DNMT3A: variants seen among roughly 807,000 people sequenced by gnomAD.
DNMT3A encodes DNA (cytosine-5)-methyltransferase 3A.
A neutral mutation model predicts 117.6 loss-of-function variants in DNMT3A; 267 were observed. The ratio of observed to expected loss-of-function variants is 2.27; its 90% CI spans 2.05 to 2.51. DNMT3A has a LOEUF of 2.51. Among genes scored for constraint, DNMT3A ranks in the 30% most tolerant of loss-of-function variants. The pLI is 0.00. For missense variants in DNMT3A, 1,029 were observed against 1,260.2 expected (o/e 0.82, Z 2.78); for synonymous variants, 432 against 474.8 (o/e 0.91, Z 1.17).
Position 25,237,007 on chromosome 2 carries a change from T to C in DNMT3A, c.2409-2A>G. 6 of 1,613,494 alleles carry C rather than the reference T, an allele frequency of 3.7e-6. No individual in the cohort carries two copies. The highest frequency in any genetic ancestry group is 3.4e-6 in the Non-Finnish European group (4 of 1,179,880). On this transcript the variant is annotated splice_acceptor_variant, in intron 20 of 22. Transcript: ENST00000321117. LOFTEE classifies it high-confidence loss of function. The surrounding 1 kb of genome is among the most constrained non-coding windows in gnomAD (Gnocchi z 5.4). ...TCATTCACAGTGGATGCCAACGGCCTAGGAGGCAGAAGAGAGACTGTAACA... is the reference window on the plus strand; with the variant it reads ...TCATTCACAGTGGATGCCAACGGCCCAGGAGGCAGAAGAGAGACTGTAACA...
Position 25,240,429 on chromosome 2 carries a change from AAGAAGAGCCGGCCAG to A in DNMT3A, c.2180_2194del (p.Thr727_Phe732delinsIle), listed in dbSNP as rs1558659411. 6.2e-7 allele frequency: 1 copy of A among 1,611,180 alleles called. No individual in the cohort carries two copies. Among genetic ancestry groups the A allele is most frequent in the Non-Finnish European group, 8.5e-7 (1 of 1,178,518 alleles). On this transcript the variant is annotated inframe_deletion, in exon 19 of 23. Coordinates refer to ENST00000321117, the MANE Select transcript of DNMT3A (RefSeq NM_022552.5). Reference sequence around the variant, plus strand: ...ATCATGCAGGAGGCGGTAGAACTCAAAGAAGAGCCGGCCAGTGCCCTCTGAGAGGTCGGAAGAGAA... The same window carrying A: ...ATCATGCAGGAGGCGGTAGAACTCAATGCCCTCTGAGAGGTCGGAAGAGAA...
In DNMT3A at chr2:25,252,145, T is replaced by TGCCGCCTCCCCGCCCCCGGTCTC; in HGVS notation, c.640-3916_640-3894dup. 1 of 1,546,636 alleles carries TGCCGCCTCCCCGCCCCCGGTCTC rather than the reference T, an allele frequency of 6.5e-7. No homozygotes were observed. The highest frequency in any genetic ancestry group is 2.5e-5 in the East Asian group (1 of 40,060). On this transcript the variant is annotated intron_variant, in intron 6 of 22. Transcript: ENST00000321117. The surrounding 1 kb of genome is among the most constrained non-coding windows in gnomAD (Gnocchi z 5.5). The stretch of plus-strand genomic sequence containing the variant: ...GCTGCGGAGATCCTCCCACCGGCCC[T>TGCCGCCTCCCCGCCCCCGGTCTC]GCCGCCTCCCCGCCCCCGGTCTCCC...
In DNMT3A at chr2:25,240,420, T is replaced by C. The variant is rs147828672; in HGVS notation, c.2204A>G (p.Tyr735Cys). 47 of 1,611,786 alleles carry C rather than the reference T, an allele frequency of 2.9e-5. No individual in the cohort carries two copies. The highest frequency in any genetic ancestry group is 5.0e-5 in the Admixed American group (3 of 59,756). Residue 735 changes from tyrosine (Y) to cysteine (C), a missense_variant, in exon 19 of 23, where the codon TAC becomes TGC. Transcript: ENST00000321117. ...GGGCCGCGCATCATGCAGGAGGCGG[T>C]AGAACTCAAAGAAGAGCCGGCCAGT... ...EGTGRLFFEFYRLLHDARPKE... is the reference protein window; with the variant it reads ...EGTGRLFFEFCRLLHDARPKE...
In DNMT3A at chr2:25,286,867, C is replaced by T. The variant is rs763192665; in HGVS notation, c.178-4156G>A. On this transcript the variant is annotated intron_variant, in intron 3 of 22. Transcript: ENST00000321117. The surrounding 1 kb of genome is among the most constrained non-coding windows in gnomAD (Gnocchi z 4.3). ...TGCCCCCAACTCCATGTCCTCCTCCCAGCCACTCTCCTCCCCTCCTTTCCC... is the reference window on the plus strand; with the variant it reads ...TGCCCCCAACTCCATGTCCTCCTCCTAGCCACTCTCCTCCCCTCCTTTCCC... Among the ~76,000 whole-genome samples, 8 of 152,208 alleles carry T rather than the reference C, an allele frequency of 5.3e-5. No homozygotes were observed. Among genetic ancestry groups the T allele is most frequent in the Non-Finnish European group, 8.8e-5 (6 of 68,028 alleles).
chr2:25,240,701 C>CT lies in DNMT3A; in HGVS notation c.2111_2112insA (p.Ile705AspfsTer8). ...GGTCATTGCAGGGACTGCCCCCAAT[C>CT]ACCAGATCGAATGGGCCCCACTCCT... is the stretch of plus-strand genomic sequence containing the variant. On this transcript the variant is annotated frameshift_variant, in exon 18 of 23. Transcript: ENST00000321117. LOFTEE classifies it high-confidence loss of function. The CT allele has an allele frequency of 6.2e-7, 1 of 1,614,220 alleles. No individual in the cohort carries two copies. The highest frequency in any genetic ancestry group is 8.5e-7 in the Non-Finnish European group (1 of 1,180,032).
intron 4 of DNMT3A, among the ~76,000 whole-genome samples, chr2:25,278,064 C>T (rs914003421): frequency 2.7e-5 from 4 of 147,026 alleles, no homozygotes; most frequent in African/African-American, 5.0e-5. Context: ...CCAGCCTGGC[C>T]GGGCCGCCTC....
chr2:25,251,903 T>C, intron 6 of DNMT3A: 1 of 472,216 alleles, frequency 2.1e-6, no homozygotes, highest in Non-Finnish European at 3.8e-6. Flanking sequence ...TGCCCCAGCC[T>C]GCAGTTACCA....
At position 25,304,556 on chromosome 2, in the gene DNMT3A, TGGCAATACTGG is replaced by T. The variant is rs2033685483; in HGVS notation, c.73-4324_73-4314del. Among the ~76,000 whole-genome samples the T allele has an allele frequency of 6.6e-6, 1 of 152,220 alleles. No individual in the cohort carries two copies. Among genetic ancestry groups the T allele is most frequent in the Non-Finnish European group, 1.5e-5 (1 of 68,036 alleles). ...GCGGGCGCTCTTGCCGCAAGATATG[TGGCAATACTGG>T]GGCTCTAGGAGCTTTCCAAAATGCA... is the stretch of plus-strand genomic sequence containing the variant. On this transcript the variant is annotated intron_variant, in intron 2 of 22. Coordinates refer to ENST00000321117, the MANE Select transcript of DNMT3A (RefSeq NM_022552.5). The surrounding 1 kb of genome is among the most constrained non-coding windows in gnomAD (Gnocchi z 4.3).
In DNMT3A at chr2:25,339,641, C is replaced by T. The variant is rs893911042; in HGVS notation, c.-178+2185G>A. Among the ~76,000 whole-genome samples, 1 of 152,160 alleles carries T rather than the reference C, an allele frequency of 6.6e-6. No homozygotes were observed. Among genetic ancestry groups the T allele is most frequent in the Non-Finnish European group, 1.5e-5 (1 of 68,016 alleles). ...CCACCTGTCACAGCCCAAGCAGGGC[C>T]TCGGTAGAACCTGGAGGCAGAGGGG... On this transcript the variant is annotated intron_variant, in intron 1 of 22. Transcript: ENST00000321117. This position sits in a 1 kb window ranked among gnomAD's most constrained non-coding sequence, Gnocchi z 4.9.
chr2:25,252,067 C>A lies in DNMT3A; in HGVS notation c.640-3815G>T. The A allele has an allele frequency of 7.8e-7, 1 of 1,279,610 alleles. No homozygotes were observed. 79.3% of individuals were successfully genotyped at this position (1,279,610 alleles called of 1,614,324 possible). A position where few individuals can be genotyped will look rare whatever the true frequency, so the allele number is the denominator to read the frequency against. ...CCAGAACTCGGGCCAGGCCGGGACG[C>A]CGCGGCTGCTGCGGGCCGGGGAGGC... On this transcript the variant is annotated intron_variant, in intron 6 of 22. Transcript: ENST00000321117. This position sits in a 1 kb window ranked among gnomAD's most constrained non-coding sequence, Gnocchi z 5.5.
rs141856815 is a variant in DNMT3A at position 25,319,777 on chromosome 2, T to C, written c.-177-5616A>G. ...GAATAGATTTTTTCTTTCTTTCTTTTTTTTTTTTTTGAGATGGACCCTTGC... is the reference window on the plus strand; with the variant it reads ...GAATAGATTTTTTCTTTCTTTCTTTCTTTTTTTTTTGAGATGGACCCTTGC... On this transcript the variant is annotated intron_variant, in intron 1 of 22. Coordinates refer to ENST00000321117, the MANE Select transcript of DNMT3A (RefSeq NM_022552.5). Among the ~76,000 whole-genome samples, 215 of 152,054 alleles carry C rather than the reference T, an allele frequency of 1.4e-3. 1 individual carries two copies. Among genetic ancestry groups the C allele is most frequent in the African/African-American group, 4.7e-3 (195 of 41,536 alleles).
intron 17 of DNMT3A, among the ~76,000 whole-genome samples, chr2:25,241,360 T>C (rs967737261): frequency 2.0e-5 from 3 of 152,176 alleles, no homozygotes; most frequent in African/African-American, 7.2e-5. Flanking sequence ...TGAGCCACCA[T>C]GCCTAGCCCA....
rs1216033483 is a variant in DNMT3A, at chr2:25,254,671, C to A, written c.640-6419G>T. 2.6e-5 allele frequency among the ~76,000 whole-genome samples: 4 copies of A among 152,178 alleles called. No individual in the cohort carries two copies. The highest frequency in any genetic ancestry group is 5.9e-5 in the Non-Finnish European group (4 of 68,046). The stretch of plus-strand genomic sequence containing the variant: ...TGCTTCGCTGCTTCTCTCACTGATA[C>A]CTCTTCTGCATCCATGCCGGTCAAC... On this transcript the variant is annotated intron_variant, in intron 6 of 22. Transcript: ENST00000321117. The surrounding 1 kb of genome is among the most constrained non-coding windows in gnomAD (Gnocchi z 4.7).
rs565029698 is a variant in DNMT3A, at chr2:25,337,308, C to T, written c.-178+4518G>A. ...TCTGCAAAAGACACAGGAAGGTGGA[C>T]GAGGCTTCTTAGAGCACTTCCTGCA... On this transcript the variant is annotated intron_variant, in intron 1 of 22. Coordinates refer to ENST00000321117, the MANE Select transcript of DNMT3A (RefSeq NM_022552.5). This position sits in a 1 kb window ranked among gnomAD's most constrained non-coding sequence, Gnocchi z 5.0. 1.3e-5 allele frequency among the ~76,000 whole-genome samples: 2 copies of T among 152,188 alleles called. No homozygotes were observed. The highest frequency in any genetic ancestry group is 2.4e-5 in the African/African-American group (1 of 41,438).
intron 1 of DNMT3A, among the ~76,000 whole-genome samples, chr2:25,319,231 G>A (rs1326456026): frequency 2.0e-5 from 3 of 151,822 alleles, no homozygotes; most frequent in Non-Finnish European, 4.4e-5. Flanking sequence ...AGCCAGGATG[G>A]TCTCGAGCTC....
At chr2:25,251,083 C>T (rs927574529) in intron 6 of DNMT3A, among the ~76,000 whole-genome samples, 1 of 145,676 alleles carries the variant, frequency 6.9e-6, no homozygotes, top group Non-Finnish European at 1.5e-5. Flanking sequence ...GCACCCGGCC[C>T]GGTAAGGGCT....
chr2:25,247,709 T>G lies in DNMT3A; in HGVS notation c.896A>C (p.Lys299Thr). Residue 299 changes from lysine (K) to threonine (T), a missense_variant, in exon 8 of 23, where the codon AAA becomes ACA. By Grantham distance (78) the Lys-to-Thr change is moderately conservative. Transcript: ENST00000321117. The surrounding 1 kb of genome is among the most constrained non-coding windows in gnomAD (Gnocchi z 5.6). ...GFGIGELVWGKLRGFSWWPGR... is the reference protein window; with the variant it reads ...GFGIGELVWGTLRGFSWWPGR... ...TGGCCACCAGGAGAAGCCCCGCAGT[T>G]TCCCCCACACCAGCTCCCCAATGCC... 2 of 1,611,972 alleles carry G rather than the reference T, an allele frequency of 1.2e-6. No homozygotes were observed. Among genetic ancestry groups the G allele is most frequent in the Non-Finnish European group, 8.5e-7 (1 of 1,179,664 alleles).
In DNMT3A at chr2:25,275,661, G is replaced by C. The variant is rs1381020568; in HGVS notation, c.449-118C>G. ...CACAGGGGATGGGGGTCCTCTGGCC[G>C]TTTAGCTGTTCATGTGTTAAATATG... On this transcript the variant is annotated intron_variant, in intron 4 of 22. Coordinates refer to ENST00000321117, the MANE Select transcript of DNMT3A (RefSeq NM_022552.5). The C allele has an allele frequency of 6.3e-6, 7 of 1,111,418 alleles. 1 individual carries two copies. The East Asian group carries it at 1.1e-4, about 17-fold the overall frequency. The allele number at this position is 1,111,418 out of a possible 1,614,324, so 68.8% of individuals were successfully genotyped here.
In DNMT3A at chr2:25,278,613, A is replaced by T. The variant is rs544807755; in HGVS notation, c.449-3070T>A. ...GGCCAAGGTGGGCAGATCACTTGAGATCAGGAGTCCACGACCAGCCTGGCC... is the reference window on the plus strand; with the variant it reads ...GGCCAAGGTGGGCAGATCACTTGAGTTCAGGAGTCCACGACCAGCCTGGCC... On this transcript the variant is annotated intron_variant, in intron 4 of 22. Transcript: ENST00000321117. Among the ~76,000 whole-genome samples, 176 of 152,308 alleles carry T rather than the reference A, an allele frequency of 1.2e-3. 2 individuals are homozygous for T. The highest frequency in any genetic ancestry group is 4.0e-3 in the African/African-American group (167 of 41,566).
Sources: allele counts gnomAD v4.1 joint callset (sites outside exome capture counted in the v4.1 genomes callset), GRCh38; gene constraint gnomAD v4.1.1; non-coding constraint Gnocchi (gnomAD v3.1); transcripts MANE v1.5; gene names NCBI Gene and HGNC (gene_info 2026-07-23, HGNC 2026-07-21).